SLC35F1: variants seen among roughly 807,000 people sequenced by gnomAD.
SLC35F1 encodes the protein solute carrier family 35 member F1, also known as chromosome 6 open reading frame 169.
A neutral mutation model predicts 48.7 loss-of-function variants in SLC35F1; 14 were observed. The observed-to-expected ratio is 0.29, with a 90% CI of 0.19 to 0.45. The LOEUF is 0.45. Ranked by LOEUF, SLC35F1 falls within the 20% of genes least tolerant of loss-of-function variation. SLC35F1 has a pLI of 1.00. For missense variants in SLC35F1, 404 were observed against 500.0 expected, an observed-to-expected ratio of 0.81 and a Z score of 1.83; for synonymous variants, 190 against 202.2, an observed-to-expected ratio of 0.94 and a Z score of 0.51.
intron 3 of SLC35F1, 23 bp from the exon 4 acceptor site, chr6:118,266,972 T>C: frequency 6.2e-7 from 1 of 1,612,308 alleles, no homozygotes; most frequent in Non-Finnish European, 8.5e-7. Context: ...CCTGTTGTTG[T>C]TTACCTTCAT....
intron 1 of SLC35F1, among the ~76,000 whole-genome samples, chr6:117,910,661 C>CA: frequency 1.3e-5 from 2 of 152,312 alleles, no homozygotes; most frequent in East Asian, 3.9e-4. Flanking sequence ...CTAGTCTCTT[C>CA]AGTGACTGAA....
chr6:117,919,020 C>T (rs564155295), intron 1 of SLC35F1, among the ~76,000 whole-genome samples: 36 of 152,212 alleles, frequency 2.4e-4, no homozygotes, highest in African/African-American at 8.4e-4. Flanking sequence ...CTCAGCCTCC[C>T]GAGTAGCTAA....
chr6:118,172,587 A>G (rs958331329), intron 2 of SLC35F1, among the ~76,000 whole-genome samples: 20 of 152,170 alleles, frequency 1.3e-4, no homozygotes, highest in African/African-American at 4.3e-4. Flanking sequence ...GTGTTCAAGA[A>G]TAGTCTCTAC....
intron 1 of SLC35F1, among the ~76,000 whole-genome samples, chr6:117,994,202 G>GCCC (rs568242477): frequency 1.3e-5 from 2 of 151,112 alleles, no homozygotes; most frequent in Non-Finnish European, 2.9e-5. Context: ...TTATCACATT[G>GCCC]CCCCCCCCAT....
intron 1 of SLC35F1, among the ~76,000 whole-genome samples, chr6:117,963,756 A>G (rs1476368507): frequency 6.6e-6 from 1 of 152,130 alleles, no homozygotes; most frequent in East Asian, 1.9e-4. Context: ...TTGGGTATAA[A>G]CATGATTGTT....
At chr6:118,005,942 A>G (rs565379984) in intron 1 of SLC35F1, among the ~76,000 whole-genome samples, 1 of 152,314 alleles carries the variant, frequency 6.6e-6, no homozygotes, top group South Asian at 2.1e-4. Context: ...GATGCTGCCT[A>G]GAATTGTTAA....
At chr6:117,987,374 CCTT>C (rs111884265) in intron 1 of SLC35F1, among the ~76,000 whole-genome samples, 51,724 of 150,366 alleles carry the variant, frequency 0.34, 9,101 homozygotes, top group Admixed American at 0.4. Context: ...TTCCTCTTCT[CCTT>C]CTTTTTTTCC....
intron 1 of SLC35F1, among the ~76,000 whole-genome samples, chr6:118,053,650 T>C (rs1431933260): frequency 6.6e-6 from 1 of 152,178 alleles, no homozygotes; most frequent in East Asian, 1.9e-4. Flanking sequence ...TCCCATATTG[T>C]TTTGATAGTG....
intron 1 of SLC35F1, among the ~76,000 whole-genome samples, chr6:117,944,970 T>A (rs1364250020): frequency 6.6e-6 from 1 of 152,178 alleles, no homozygotes; most frequent in Non-Finnish European, 1.5e-5. Flanking sequence ...ACTGAGTGCC[T>A]GCTCTGTGCC....
At chr6:118,251,693 TA>T (rs1775577709) in intron 3 of SLC35F1, among the ~76,000 whole-genome samples, 1 of 152,124 alleles carries the variant, frequency 6.6e-6, no homozygotes, top group African/African-American at 2.4e-5. Flanking sequence ...AGATTCTAAA[TA>T]GTTTTAAGTG....
At chr6:118,111,931 C>G (rs1240876742) in intron 1 of SLC35F1, among the ~76,000 whole-genome samples, 1 of 152,062 alleles carries the variant, frequency 6.6e-6, no homozygotes, top group Non-Finnish European at 1.5e-5. Flanking sequence ...GCTGCATTCC[C>G]AGAAAGTTAG....
chr6:118,265,565 G>A (rs977248130), intron 3 of SLC35F1, among the ~76,000 whole-genome samples: 1 of 152,160 alleles, frequency 6.6e-6, no homozygotes, highest in African/African-American at 2.4e-5. Context: ...CCTCCAGAAG[G>A]AGGAGTGTAC....
intron 1 of SLC35F1, among the ~76,000 whole-genome samples, chr6:118,144,587 T>A (rs1264695750): frequency 3.6e-5 from 5 of 137,944 alleles, no homozygotes; most frequent in Admixed American, 7.3e-5. Flanking sequence ...TCCCAGAACT[T>A]AAAAAAAAAA....
At chr6:118,090,837 G>A (rs187090230) in intron 1 of SLC35F1, among the ~76,000 whole-genome samples, 3 of 152,120 alleles carry the variant, frequency 2.0e-5, no homozygotes, top group African/African-American at 7.2e-5. Flanking sequence ...ATGGACAATG[G>A]GGGGGCATAA....
At chr6:118,222,386 T>C (rs1053444971) in intron 2 of SLC35F1, among the ~76,000 whole-genome samples, 1 of 152,038 alleles carries the variant, frequency 6.6e-6, no homozygotes, top group Admixed American at 6.5e-5. Context: ...AAAGACTTGA[T>C]CAAATTTAGG....
chr6:117,948,246 A>AT (rs539694687), intron 1 of SLC35F1, among the ~76,000 whole-genome samples: 3 of 151,908 alleles, frequency 2.0e-5, no homozygotes, highest in African/African-American at 7.3e-5. Context: ...ATACCACTTC[A>AT]TTTTTTTTAC....
At chr6:118,198,743 A>G (rs138284542) in intron 2 of SLC35F1, among the ~76,000 whole-genome samples, 2 of 152,256 alleles carry the variant, frequency 1.3e-5, no homozygotes, top group African/African-American at 4.8e-5. Flanking sequence ...ATGTATGTGT[A>G]TGTATGTTTA....
At chr6:118,037,445 T>C (rs1445121044) in intron 1 of SLC35F1, among the ~76,000 whole-genome samples, 1 of 152,210 alleles carries the variant, frequency 6.6e-6, no homozygotes, top group East Asian at 1.9e-4. Context: ...TTTTTGGGGT[T>C]ATTTAAATAT....
chr6:117,923,644 TAC>T lies in SLC35F1; in HGVS notation c.173+15747_173+15748del, dbSNP rs1562238627. On this transcript the variant is annotated intron_variant, in intron 1 of 7. Transcript: ENST00000360388. ...GTATATATACATATATGTACATATG[TAC>T]ATATGTACATATGTATATATACATA... Among the ~76,000 whole-genome samples the T allele has an allele frequency of 3.1e-5, 3 of 98,360 alleles. 1 individual carries two copies. Among genetic ancestry groups the T allele is most frequent in the African/African-American group, 1.1e-4 (3 of 27,000 alleles). The allele number at this position is 98,360 out of a possible 152,430, so 64.5% of individuals were successfully genotyped here.
Sources: gnomAD v4.1 joint callset for allele counts (sites outside exome capture counted in the v4.1 genomes callset) on GRCh38, gnomAD v4.1.1 for gene constraint, MANE v1.5 for transcripts, NCBI Gene and HGNC (gene_info 2026-07-23, HGNC 2026-07-21) for gene names.